Variants in SGCD observed in about 807,000 individuals in gnomAD.
SGCD encodes delta-sarcoglycan.
A neutral mutation model predicts 36.6 loss-of-function variants in SGCD; 18 were observed. The ratio of observed to expected loss-of-function variants is 0.49; its 90% CI spans 0.34 to 0.73. The LOEUF is 0.73. Among genes scored for constraint, SGCD ranks in the 30% least tolerant of loss-of-function variants. SGCD has a pLI of 0.01. For missense variants in SGCD, 387 were observed against 346.7 expected (o/e 1.12, Z -0.92); for synonymous variants, 133 against 130.6 (o/e 1.02, Z -0.12).
chr5:155,949,372 T>G (rs1324719601), intron 1 of SGCD, among the ~76,000 whole-genome samples: 1 of 152,194 alleles, frequency 6.6e-6, no homozygotes, highest in Non-Finnish European at 1.5e-5. Flanking sequence ...GTGCTGTGTA[T>G]CAGATACTTT....
chr5:156,292,013 C>T (rs1376933926), intron 3 of SGCD, among the ~76,000 whole-genome samples: 1 of 152,050 alleles, frequency 6.6e-6, no homozygotes, highest in African/African-American at 2.4e-5. Context: ...CCACCCCAGC[C>T]ACTAGTAACC....
In SGCD at chr5:156,764,775, T is replaced by G. The variant is rs1269799561; in HGVS notation, c.*5385T>G. 1 of 152,192 alleles carries G rather than the reference T, an allele frequency of 6.6e-6. No individual in the cohort carries two copies. Among genetic ancestry groups the G allele is most frequent in the Non-Finnish European group, 1.5e-5 (1 of 68,042 alleles). The allele number at this position is 152,192 out of a possible 1,614,324, so 9.4% of individuals were successfully genotyped here. ...TAAGTGTGATGTCATCATACAGTGTTAATGATGCTATCAAATCCATCAATA... is the reference window on the plus strand; with the variant it reads ...TAAGTGTGATGTCATCATACAGTGTGAATGATGCTATCAAATCCATCAATA... On this transcript the variant is annotated 3_prime_UTR_variant, in exon 9 of 9. Coordinates refer to ENST00000337851, the MANE Select transcript of SGCD (RefSeq NM_000337.6).
Position 156,589,285 on chromosome 5 carries a change from G to T in SGCD, c.349G>T (p.Asp117Tyr). 1.3e-6 allele frequency: 2 copies of T among 1,575,056 alleles called. No homozygotes were observed. Among genetic ancestry groups the T allele is most frequent in the South Asian group, 2.3e-5 (2 of 85,674 alleles). ...ARNVTVNILN[D>Y]QTKVLTQLIT... ...AAATGTTACAGTGAACATTCTCAAT[G>T]ACCAGACTAAAGTGCTAACTCAGCT... is the stretch of plus-strand genomic sequence containing the variant. The change falls in exon 5 of 9, where the codon GAC (aspartate) becomes TAC (tyrosine). Residue 117 changes from aspartate (D) to tyrosine (Y), a missense_variant. Physicochemically the swap from Asp to Tyr is radical, Grantham distance 160. Transcript: ENST00000337851.
chr5:156,054,395 C>T (rs1249928349), intron 1 of SGCD, among the ~76,000 whole-genome samples: 1 of 143,242 alleles, frequency 7.0e-6, no homozygotes, highest in Admixed American at 7.0e-5. Context: ...ACGCCATTCT[C>T]CTGCCTCAGC....
chr5:156,276,437 G>A (rs1766320235), intron 3 of SGCD, among the ~76,000 whole-genome samples: 1 of 152,182 alleles, frequency 6.6e-6, no homozygotes, highest in African/African-American at 2.4e-5. Context: ...CTTGGTAGTA[G>A]TTTGACACTC....
chr5:156,438,577 C>T (rs1371615237), intron 3 of SGCD, among the ~76,000 whole-genome samples: 1 of 152,108 alleles, frequency 6.6e-6, no homozygotes, highest in African/African-American at 2.4e-5. Context: ...TCTTTTAGCT[C>T]CTCCAGCTCA....
At chr5:156,713,414 G>T (rs574018388) in intron 7 of SGCD, among the ~76,000 whole-genome samples, 6 of 149,626 alleles carry the variant, frequency 4.0e-5, no homozygotes, top group African/African-American at 1.5e-4. Context: ...ACATGTCGGG[G>T]GGGGCGTTAT....
intron 1 of SGCD, among the ~76,000 whole-genome samples, chr5:155,956,463 G>T (rs1757651675): frequency 6.6e-6 from 1 of 152,164 alleles, no homozygotes; most frequent in South Asian, 2.1e-4. Flanking sequence ...CTTGAGCTTG[G>T]GTAGATAATG....
intron 3 of SGCD, among the ~76,000 whole-genome samples, chr5:156,240,512 G>C (rs1188711601): frequency 6.6e-6 from 1 of 152,182 alleles, no homozygotes; most frequent in Non-Finnish European, 1.5e-5. Context: ...TTCAGTGTGA[G>C]ATGGGTCAGT....
chr5:156,638,734 TAC>T (rs1166921274), intron 6 of SGCD, among the ~76,000 whole-genome samples: 1 of 152,216 alleles, frequency 6.6e-6, no homozygotes, highest in Non-Finnish European at 1.5e-5. Flanking sequence ...GGCTTAATGA[TAC>T]ACTGAGCATG....
At chr5:156,194,468 G>T (rs1298333010) in intron 3 of SGCD, among the ~76,000 whole-genome samples, 1 of 152,102 alleles carries the variant, frequency 6.6e-6, no homozygotes, top group Non-Finnish European at 1.5e-5. Flanking sequence ...TTATTGTTGA[G>T]AAATTACCAG....
chr5:156,377,521 G>A (rs565484572), intron 3 of SGCD, among the ~76,000 whole-genome samples: 65 of 152,250 alleles, frequency 4.3e-4, no homozygotes, highest in African/African-American at 1.3e-3. Context: ...CTCCATGAAA[G>A]CAAGAATTGT....
At chr5:155,971,133 T>C (rs1328477337) in intron 1 of SGCD, among the ~76,000 whole-genome samples, 1 of 152,174 alleles carries the variant, frequency 6.6e-6, no homozygotes, top group African/African-American at 2.4e-5. Context: ...CCATCTGTGG[T>C]CACCCCTGGC....
intron 6 of SGCD, among the ~76,000 whole-genome samples, chr5:156,617,023 C>G (rs1762046726): frequency 6.6e-6 from 1 of 152,154 alleles, no homozygotes; most frequent in Non-Finnish European, 1.5e-5. Flanking sequence ...CTGCTGTATT[C>G]TTCTTCAGGC....
At chr5:156,589,206 T>A (rs1034958199) in intron 4 of SGCD, 25 bp from the exon 5 acceptor site, 3 of 1,453,592 alleles carry the variant, frequency 2.1e-6, no homozygotes, top group African/African-American at 1.4e-5. Flanking sequence ...CATTTTCATG[T>A]CTTTCTCTTA....
At chr5:155,965,284 C>T (rs1295178709) in intron 1 of SGCD, among the ~76,000 whole-genome samples, 1 of 152,126 alleles carries the variant, frequency 6.6e-6, no homozygotes, top group African/African-American at 2.4e-5. Context: ...CGTCTTAAAG[C>T]TGCCTCCTCT....
chr5:155,762,000 CTCT>C, the SGCD span, among the ~76,000 whole-genome samples: 1 of 152,172 alleles, frequency 6.6e-6, no homozygotes. Flanking sequence ...GTATTGTTAT[CTCT>C]TCTTTACAAA....
At chr5:156,020,185 T>C (rs1759069057) in intron 1 of SGCD, among the ~76,000 whole-genome samples, 2 of 152,242 alleles carry the variant, frequency 1.3e-5, no homozygotes, top group South Asian at 4.1e-4. Flanking sequence ...TGTTATTTTA[T>C]TCTTCACTCT....
intron 3 of SGCD, among the ~76,000 whole-genome samples, chr5:156,143,348 C>G (rs1762620044): frequency 6.6e-6 from 1 of 152,232 alleles, no homozygotes; most frequent in South Asian, 2.1e-4. Context: ...CACAGAGAAC[C>G]TCTACTAGGG....
Sources: gnomAD v4.1 joint callset for allele counts (sites outside exome capture counted in the v4.1 genomes callset) on GRCh38, gnomAD v4.1.1 for gene constraint, MANE v1.5 for transcripts, NCBI Gene and HGNC (gene_info 2026-07-23, HGNC 2026-07-21) for gene names.